RNF38: variants seen among roughly 807,000 people sequenced by gnomAD.
RNF38 encodes the protein E3 ubiquitin-protein ligase RNF38.
Under a neutral mutation model 67.2 loss-of-function variants are expected in RNF38, and 15 were observed. That is an observed-to-expected ratio of 0.22 (90% CI 0.15 to 0.34). The LOEUF (loss-of-function observed/expected upper bound fraction) is 0.34, where lower values mean the gene tolerates loss of function less well. Among genes scored for constraint, RNF38 ranks in the 10% least tolerant of loss-of-function variants. The probability of loss-of-function intolerance (pLI) is 1.00; values close to 1 mark genes in which losing one functional copy is unlikely to be tolerated. For synonymous variants in RNF38, 220 were observed against 218.8 expected, an observed-to-expected ratio of 1.01 and a Z score of -0.05; for missense variants, 524 against 639.9, an observed-to-expected ratio of 0.82 and a Z score of 1.95.
rs930752300 is a variant in RNF38, at chr9:36,337,182, G to T, written c.*2570C>A. 2.6e-5 allele frequency: 4 copies of T among 152,152 alleles called. No homozygotes were observed. Among genetic ancestry groups the T allele is most frequent in the African/African-American group, 9.7e-5 (4 of 41,420 alleles). 9.4% of individuals were successfully genotyped at this position (152,152 alleles called of 1,614,324 possible). ...CTGGGCACAAATAAACTTCTCTTTT[G>T]CTAGCCACAGAGTTGCTCACTGTGG... On this transcript the variant is annotated 3_prime_UTR_variant, in exon 12 of 12. Coordinates refer to ENST00000259605, the MANE Select transcript of RNF38 (RefSeq NM_022781.5).
At chr9:36,405,615 C>T (rs909467136), upstream of RNF38, among the ~76,000 whole-genome samples, 18 of 152,174 alleles carry the variant, frequency 1.2e-4, no homozygotes, top group African/African-American at 1.4e-4. Flanking sequence ...CTGGTGTTAA[C>T]GCCTTCTTTA....
At chr9:36,362,745 G>A (rs930496278) in intron 4 of RNF38, among the ~76,000 whole-genome samples, 26 of 151,622 alleles carry the variant, frequency 1.7e-4, no homozygotes, top group Non-Finnish European at 2.7e-4. Context: ...GCCATTCTCC[G>A]GCCTCAGCCT....
chr9:36,418,657 G>C (rs1009181757), intron 2 of RNF38, among the ~76,000 whole-genome samples: 1 of 152,022 alleles, frequency 6.6e-6, no homozygotes, highest in African/African-American at 2.4e-5. Context: ...GTGGTGGTAC[G>C]CGCCTGTAAT....
At chr9:36,382,320 AG>A (rs1168914216) in intron 2 of RNF38, among the ~76,000 whole-genome samples, 1 of 152,198 alleles carries the variant, frequency 6.6e-6, no homozygotes, top group Non-Finnish European at 1.5e-5. Flanking sequence ...TCATAATGGG[AG>A]GAAGGAAGGA....
intron 1 of RNF38, among the ~76,000 whole-genome samples, chr9:36,448,483 G>T (rs545317082): frequency 1.3e-5 from 2 of 152,266 alleles, no homozygotes; most frequent in African/African-American, 4.8e-5. Flanking sequence ...GTAAATCTGT[G>T]CTATAAAGTA....
chr9:36,480,049 G>A (rs1840213337), intron 1 of RNF38, among the ~76,000 whole-genome samples: 1 of 151,946 alleles, frequency 6.6e-6, no homozygotes, highest in South Asian at 2.1e-4. Flanking sequence ...CGTGATTTCG[G>A]CTTACTGCAA....
At chr9:36,421,716 G>A (rs1838633029) in intron 2 of RNF38, among the ~76,000 whole-genome samples, 1 of 152,054 alleles carries the variant, frequency 6.6e-6, no homozygotes, top group African/African-American at 2.4e-5. Flanking sequence ...TGGCGTAAAC[G>A]TGCTCTATGA....
At chr9:36,465,609 T>C (rs1012395932) in intron 1 of RNF38, among the ~76,000 whole-genome samples, 5 of 152,154 alleles carry the variant, frequency 3.3e-5, no homozygotes, top group Admixed American at 6.6e-5. Flanking sequence ...CGTCCCAAAG[T>C]GCTGAGATTA....
intron 2 of RNF38, among the ~76,000 whole-genome samples, chr9:36,417,779 G>A (rs1396461458): frequency 6.6e-6 from 1 of 152,074 alleles, no homozygotes; most frequent in Non-Finnish European, 1.5e-5. Context: ...CCAATCTGCT[G>A]GGATTACAAG....
upstream of RNF38, among the ~76,000 whole-genome samples, chr9:36,402,638 T>C (rs760574367): frequency 6.6e-6 from 1 of 152,148 alleles, no homozygotes; most frequent in Non-Finnish European, 1.5e-5. Context: ...TTGGGAGCTA[T>C]CTAACTGTAA....
At chr9:36,475,784 G>A (rs754025502) in intron 1 of RNF38, among the ~76,000 whole-genome samples, 2 of 150,984 alleles carry the variant, frequency 1.3e-5, no homozygotes, top group Non-Finnish European at 3.0e-5. Context: ...TTGGGAGGCC[G>A]AGGCAGGCGG....
intron 1 of RNF38, among the ~76,000 whole-genome samples, chr9:36,399,538 T>C (rs1837835988): frequency 6.8e-6 from 1 of 147,162 alleles, no homozygotes; most frequent in African/African-American, 2.5e-5. Context: ...ATTATAAATA[T>C]ATATTTATAA....
intron 2 of RNF38, among the ~76,000 whole-genome samples, chr9:36,423,278 T>C (rs542266676): frequency 6.6e-6 from 1 of 152,332 alleles, no homozygotes; most frequent in African/African-American, 2.4e-5. Context: ...TGCTATAAGC[T>C]ACCACTCTCT....
At position 36,356,380 on chromosome 9, in the gene RNF38, G is replaced by A. The variant is rs1267706716; in HGVS notation, c.832C>T (p.His278Tyr). 1 of 1,614,118 alleles carries A rather than the reference G, an allele frequency of 6.2e-7. No individual in the cohort carries two copies. Among genetic ancestry groups the A allele is most frequent in the Non-Finnish European group, 8.5e-7 (1 of 1,180,010 alleles). Residue 278 changes from histidine to tyrosine, a missense_variant, in exon 6 of 12, where the codon CAC becomes TAC. Physicochemically the swap from His to Tyr is moderately conservative, Grantham distance 83 (BLOSUM62 2). This residue lies in a region of RNF38 where 461 missense variants were observed against 517.4 expected (regional missense o/e 0.89). Transcript: ENST00000259605. ...TGAGGAGGATGATGGGGAGAAAGGT[G>A]AGGAGGATGTATAAGAAATGGATCA... Reference protein sequence around the residue: ...SSDPFLIHPPHLSPHHPPHLP... With the variant: ...SSDPFLIHPPYLSPHHPPHLP...
chr9:36,340,125 G>A (rs897250558), intron 11 of RNF38, among the ~76,000 whole-genome samples: 10 of 152,030 alleles, frequency 6.6e-5, no homozygotes, highest in African/African-American at 1.2e-4. Flanking sequence ...GATTACAGGT[G>A]CCCACCACCA....
intron 1 of RNF38, among the ~76,000 whole-genome samples, chr9:36,449,961 G>A (rs966233594): frequency 6.6e-6 from 1 of 152,108 alleles, no homozygotes; most frequent in African/African-American, 2.4e-5. Flanking sequence ...ACATAGTATT[G>A]ACAAACATAT....
At chr9:36,380,864 C>T (rs2133908569) in intron 2 of RNF38, among the ~76,000 whole-genome samples, 1 of 152,272 alleles carries the variant, frequency 6.6e-6, no homozygotes, top group African/African-American at 2.4e-5. Flanking sequence ...GACTCAGAAA[C>T]TGAGGAAAAC....
At chr9:36,353,393 A>G in intron 6 of RNF38, 62 bp from the exon 7 acceptor site, 7 of 1,159,154 alleles carry the variant, frequency 6.0e-6, no homozygotes, top group Non-Finnish European at 6.9e-6. Context: ...GTGTTTAGAT[A>G]GATTATGCTT....
In RNF38 at chr9:36,352,888, GT is replaced by G. The variant is rs745979644; in HGVS notation, c.1072-41del. The G allele has an allele frequency of 1.2e-5, 16 of 1,358,840 alleles. No homozygotes were observed. The Admixed American group carries it at 1.4e-4, about 12-fold the overall frequency. 84.2% of individuals were successfully genotyped at this position (1,358,840 alleles called of 1,614,324 possible). A position where few individuals can be genotyped will look rare whatever the true frequency, so the allele number is the denominator to read the frequency against. On this transcript the variant is annotated intron_variant, in intron 7 of 11. Transcript: ENST00000259605. Reference sequence around the variant, plus strand: ...ATGTTAAGATTTAGAATCACTCTACGTTTACAAATAGCCTGTCAAATAAAGT... The same window carrying G: ...ATGTTAAGATTTAGAATCACTCTACGTTACAAATAGCCTGTCAAATAAAGT...
Sources: gnomAD v4.1 joint callset for allele counts (sites outside exome capture counted in the v4.1 genomes callset) on GRCh38, gnomAD v4.1.1 for gene constraint, gnomAD v4.1.1 regional missense constraint, MANE v1.5 for transcripts, NCBI Gene and HGNC (gene_info 2026-07-23, HGNC 2026-07-21) for gene names.